Variants in BMP2K observed in about 807,000 individuals in gnomAD.
The protein encoded by BMP2K is BMP2 inducible kinase.
A neutral mutation model predicts 116.0 loss-of-function variants in BMP2K; 74 were observed. The observed-to-expected ratio is 0.64, with a 90% CI of 0.53 to 0.77. BMP2K has a LOEUF of 0.77. Among genes scored for constraint, BMP2K ranks in the 30% least tolerant of loss-of-function variants. The pLI is 0.00. For missense variants in BMP2K, 1,365 were observed against 1,403.6 expected (o/e 0.97, Z 0.44); for synonymous variants, 486 against 502.5 (o/e 0.97, Z 0.44).
At chr4:78,908,380 T>A (rs1247367775) in intron 15 of BMP2K, among the ~76,000 whole-genome samples, 2 of 152,246 alleles carry the variant, frequency 1.3e-5, no homozygotes, top group Non-Finnish European at 2.9e-5. Flanking sequence ...TCTCTCTCCA[T>A]TTCTGTGACA....
chr4:78,816,602 G>A (rs1441864770), intron 1 of BMP2K, among the ~76,000 whole-genome samples: 1 of 152,138 alleles, frequency 6.6e-6, no homozygotes, highest in Non-Finnish European at 1.5e-5. Context: ...TGGATTTTCA[G>A]TTCTTTGTAA....
intron 3 of BMP2K, among the ~76,000 whole-genome samples, chr4:78,834,822 AG>A (rs1730390103): frequency 1.3e-5 from 2 of 152,216 alleles, no homozygotes; most frequent in Non-Finnish European, 2.9e-5. Flanking sequence ...GGGAAAATGA[AG>A]TGAATCAATG....
intron 1 of BMP2K, among the ~76,000 whole-genome samples, chr4:78,786,680 G>A (rs1394973442): frequency 2.0e-5 from 3 of 152,024 alleles, no homozygotes; most frequent in African/African-American, 4.8e-5. Context: ...TAAAAATGGG[G>A]TCTTGTAGGA....
chr4:78,866,503 C>T (rs757169680), intron 10 of BMP2K, among the ~76,000 whole-genome samples: 73 of 151,968 alleles, frequency 4.8e-4, no homozygotes, highest in Admixed American at 9.8e-4. Flanking sequence ...AGTACTAGTA[C>T]CTATCTTAAT....
intron 15 of BMP2K, among the ~76,000 whole-genome samples, chr4:78,892,998 A>G (rs1246086706): frequency 6.6e-6 from 1 of 152,206 alleles, no homozygotes; most frequent in African/African-American, 2.4e-5. Flanking sequence ...TAAGTTTGCA[A>G]AATCAGTGGA....
rs116504703 is a variant in BMP2K at position 78,823,648 on chromosome 4, A to G, written c.179-2389A>G. 6.5e-3 allele frequency among the ~76,000 whole-genome samples: 973 copies of G among 150,132 alleles called. 4 individuals are homozygous for G. Among genetic ancestry groups the G allele is most frequent in the Non-Finnish European group, 0.01 (680 of 67,632 alleles). ...TATATAGTTATATAGTTATGTCTGT[A>G]TATCTGTATAAATATATAAATGGGG... On this transcript the variant is annotated intron_variant, in intron 1 of 15. Coordinates refer to ENST00000502613, the MANE Select transcript of BMP2K (RefSeq NM_198892.2).
intron 1 of BMP2K, among the ~76,000 whole-genome samples, chr4:78,815,593 C>A (rs1729300136): frequency 6.6e-6 from 1 of 151,894 alleles, no homozygotes; most frequent in African/African-American, 2.4e-5. Flanking sequence ...CTTTTTCTTC[C>A]AATTTTGTTG....
intron 3 of BMP2K, among the ~76,000 whole-genome samples, chr4:78,836,154 A>T (rs1182108333): frequency 6.6e-6 from 1 of 152,098 alleles, no homozygotes; most frequent in Non-Finnish European, 1.5e-5. Context: ...GCCGTGGCTC[A>T]CACTGATAAT....
chr4:78,842,353 A>G, intron 3 of BMP2K, 32 bp from the exon 4 acceptor site: 2 of 1,557,868 alleles, frequency 1.3e-6, no homozygotes, highest in Admixed American at 3.5e-5. Context: ...TTTATTAAAA[A>G]TATGTCCTCT....
rs752692166 is a variant in BMP2K, at chr4:78,870,949, G to GCAGCAACAGCAA, written c.1404_1415dup (p.Gln483_Gln486dup). ...CTCACCAGCAGCAGCAGCAGCAGCA[G>GCAGCAACAGCAA]CAGCAACAGCAACAGCAGCAGCAGC... On this transcript the variant is annotated inframe_insertion, in exon 11 of 16. Transcript: ENST00000502613. 3 of 1,610,334 alleles carry GCAGCAACAGCAA rather than the reference G, an allele frequency of 1.9e-6. No individual in the cohort carries two copies. The highest frequency in any genetic ancestry group is 2.5e-6 in the Non-Finnish European group (3 of 1,178,712).
chr4:78,832,529 A>G (rs557931641), intron 2 of BMP2K, among the ~76,000 whole-genome samples: 69 of 152,252 alleles, frequency 4.5e-4, no homozygotes, highest in African/African-American at 1.5e-3. Context: ...TTACTTTTGT[A>G]CAGTTAAGGC....
At position 78,911,722 on chromosome 4, in the gene BMP2K, T is replaced by G. The variant is rs778928385; in HGVS notation, c.3175T>G (p.Leu1059Val). ...LTDGKDRGNVLQPEESLLDPF... is the reference protein window; with the variant it reads ...LTDGKDRGNVVQPEESLLDPF... ...TGATGGGAAAGATAGGGGGAATGTCTTACAACCTGAGGAGAGCCTGTTGGA... is the reference window on the plus strand; with the variant it reads ...TGATGGGAAAGATAGGGGGAATGTCGTACAACCTGAGGAGAGCCTGTTGGA... The change falls in exon 16 of 16, where the codon TTA becomes GTA. Residue 1059 changes from leucine (L) to valine (V), a missense_variant. Leu to Val is a conservative substitution (Grantham distance 32). Transcript: ENST00000502613. The G allele has an allele frequency of 1.4e-5, 22 of 1,613,808 alleles. No individual in the cohort carries two copies. The Admixed American group carries it at 1.8e-4, about 13-fold the overall frequency.
intron 15 of BMP2K, among the ~76,000 whole-genome samples, chr4:78,903,295 A>C (rs1189941176): frequency 6.6e-6 from 1 of 152,008 alleles, no homozygotes; most frequent in South Asian, 2.1e-4. Context: ...TTGGTCACTC[A>C]TTTTCCAGAT....
intron 2 of BMP2K, among the ~76,000 whole-genome samples, chr4:78,826,784 T>C (rs997646523): frequency 4.0e-4 from 61 of 152,302 alleles, no homozygotes; most frequent in South Asian, 4.1e-4. Context: ...CTTTTTTTTT[T>C]CTTAAATACT....
intron 15 of BMP2K, among the ~76,000 whole-genome samples, chr4:78,899,875 C>T (rs1420294979): frequency 2.6e-5 from 4 of 151,994 alleles, no homozygotes; most frequent in Non-Finnish European, 5.9e-5. Flanking sequence ...TCCAAGAGTC[C>T]AGCTGTGCTG....
intron 6 of BMP2K, among the ~76,000 whole-genome samples, chr4:78,849,389 A>G (rs1490560915): frequency 1.3e-5 from 2 of 151,508 alleles, no homozygotes; most frequent in Non-Finnish European, 3.0e-5. Context: ...TTTACAAAGC[A>G]GAATATTTAG....
chr4:78,908,792 T>C (rs1734415499), intron 15 of BMP2K, among the ~76,000 whole-genome samples: 1 of 152,194 alleles, frequency 6.6e-6, no homozygotes, highest in South Asian at 2.1e-4. Context: ...ATAGTAGGTA[T>C]ATACATTTAT....
At chr4:78,894,380 A>C (rs1347712350) in intron 15 of BMP2K, among the ~76,000 whole-genome samples, 1 of 152,216 alleles carries the variant, frequency 6.6e-6, no homozygotes, top group Non-Finnish European at 1.5e-5. Flanking sequence ...CAGTGATCTT[A>C]GTGAAATCTT....
intron 1 of BMP2K, among the ~76,000 whole-genome samples, chr4:78,788,922 A>G (rs1389244667): frequency 6.9e-6 from 1 of 145,666 alleles, no homozygotes; most frequent in Non-Finnish European, 1.5e-5. Context: ...TTTTAAATAC[A>G]CTAAAGGTAT....
Sources: gnomAD v4.1 joint callset for allele counts (sites outside exome capture counted in the v4.1 genomes callset) on GRCh38, gnomAD v4.1.1 for gene constraint, MANE v1.5 for transcripts, NCBI Gene and HGNC (gene_info 2026-07-23, HGNC 2026-07-21) for gene names.